Variants in UST observed in about 807,000 individuals in gnomAD.
UST encodes the protein chondroitin sulfate 2-O-sulfotransferase.
In UST, 21 loss-of-function variants were observed where a neutral mutation model predicts 45.6. The ratio of observed to expected loss-of-function variants is 0.46; its 90% CI spans 0.33 to 0.66. UST has a LOEUF of 0.66. Among genes scored for constraint, UST ranks in the 30% least tolerant of loss-of-function variants. The probability of loss-of-function intolerance (pLI) is 0.02; values close to 1 mark genes in which losing one functional copy is unlikely to be tolerated. For missense variants in UST, 463 were observed against 512.4 expected, an observed-to-expected ratio of 0.90 and a Z score of 0.93; for synonymous variants, 215 against 200.6, an observed-to-expected ratio of 1.07 and a Z score of -0.61.
rs544164842 is a variant in UST, at chr6:148,770,952, A to T, written c.247+23275A>T. Among the ~76,000 whole-genome samples, 25 of 145,390 alleles carry T rather than the reference A, an allele frequency of 1.7e-4. 1 individual carries two copies. Among genetic ancestry groups the T allele is most frequent in the East Asian group, 9.7e-4 (5 of 5,144 alleles). ...TTTCAAAGTAACTTTAATCTTGATT[A>T]AAAAAAAAAGTTTGACAAGACAAAC... On this transcript the variant is annotated intron_variant, in intron 1 of 7. Transcript: ENST00000367463.
intron 7 of UST, among the ~76,000 whole-genome samples, chr6:149,040,586 C>T (rs1317603722): frequency 3.3e-5 from 5 of 152,088 alleles, no homozygotes; most frequent in Non-Finnish European, 7.4e-5. Context: ...ACCCAGGAGG[C>T]GGAGGTTGCA....
intron 5 of UST, among the ~76,000 whole-genome samples, chr6:148,981,951 A>G (rs1490429650): frequency 6.6e-6 from 1 of 152,190 alleles, no homozygotes; most frequent in Non-Finnish European, 1.5e-5. Context: ...GGAGACTGCT[A>G]AGTCCAAGAT....
intron 1 of UST, among the ~76,000 whole-genome samples, chr6:148,862,278 T>C (rs1424964334): frequency 6.6e-6 from 1 of 152,232 alleles, no homozygotes; most frequent in African/African-American, 2.4e-5. Context: ...TTTTGATCTT[T>C]GTTGGTTTAA....
At chr6:148,886,644 G>C (rs1285854657) in intron 1 of UST, among the ~76,000 whole-genome samples, 5 of 152,184 alleles carry the variant, frequency 3.3e-5, no homozygotes, top group African/African-American at 4.8e-5. Flanking sequence ...AACAAGCCCT[G>C]CGGGTAATTC....
chr6:148,864,167 C>T (rs9390618), intron 1 of UST, among the ~76,000 whole-genome samples: 38,627 of 152,150 alleles, frequency 0.25, 5,436 homozygotes, highest in East Asian at 0.58. Context: ...TTGAGCTTCC[C>T]GGCCACTTTG....
At chr6:148,930,150 C>T (rs940117239) in intron 2 of UST, among the ~76,000 whole-genome samples, 2 of 152,170 alleles carry the variant, frequency 1.3e-5, no homozygotes, top group African/African-American at 4.8e-5. Flanking sequence ...TCACCCCTTC[C>T]GTTCTCATAC....
intron 1 of UST, among the ~76,000 whole-genome samples, chr6:148,870,679 C>T (rs936745592): frequency 6.6e-6 from 1 of 152,130 alleles, no homozygotes; most frequent in Non-Finnish European, 1.5e-5. Flanking sequence ...CTACAGGATG[C>T]ATTTACTCCG....
chr6:148,897,827 C>T (rs1296747687), intron 2 of UST, among the ~76,000 whole-genome samples: 1 of 152,164 alleles, frequency 6.6e-6, no homozygotes, highest in Admixed American at 6.5e-5. Context: ...TGCCAATTGG[C>T]AGACCAGATA....
At chr6:148,766,333 CACTCTCACCCACTCACCCACTT>C (rs776027943) in intron 1 of UST, among the ~76,000 whole-genome samples, 76 of 150,708 alleles carry the variant, frequency 5.0e-4, no homozygotes, top group African/African-American at 9.7e-4. Flanking sequence ...GTTCTCCTAT[CACTCTCACCCACTCACCCACTT>C]GCTCTCACCC....
At chr6:148,829,080 T>G (rs763117708) in intron 1 of UST, among the ~76,000 whole-genome samples, 1 of 152,122 alleles carries the variant, frequency 6.6e-6, no homozygotes, top group Non-Finnish European at 1.5e-5. Context: ...TAAGAAGAGA[T>G]GTGCTCCAGA....
At chr6:148,759,841 C>CT (rs1776176248) in intron 1 of UST, among the ~76,000 whole-genome samples, 1 of 100,186 alleles carries the variant, frequency 1.0e-5, no homozygotes, top group Non-Finnish European at 1.9e-5. Context: ...GAGCGAGACT[C>CT]TGTCTCAAAA....
At chr6:149,016,557 G>A (rs1775901733) in intron 5 of UST, among the ~76,000 whole-genome samples, 1 of 152,172 alleles carries the variant, frequency 6.6e-6, no homozygotes, top group Non-Finnish European at 1.5e-5. Context: ...CACTGGAGAT[G>A]CAGTGAACAG....
At chr6:148,769,173 G>A (rs970859756) in intron 1 of UST, among the ~76,000 whole-genome samples, 11 of 152,222 alleles carry the variant, frequency 7.2e-5, no homozygotes, top group African/African-American at 2.7e-4. Flanking sequence ...ACAACAGCCT[G>A]GCTGTCTGTT....
chr6:148,770,141 G>A lies in UST; in HGVS notation c.247+22464G>A, dbSNP rs566595779. Among the ~76,000 whole-genome samples, 3 of 152,034 alleles carry A rather than the reference G, an allele frequency of 2.0e-5. No individual in the cohort carries two copies. The East Asian group carries it at 5.8e-4, about 29-fold the overall frequency. ...ATAAAGGTTCTTGCAAGAGCTGCTA[G>A]TCTAGCCTCTGATACAGATGTGTAT... On this transcript the variant is annotated intron_variant, in intron 1 of 7. Transcript: ENST00000367463.
At chr6:148,899,138 C>T (rs933256169) in intron 2 of UST, among the ~76,000 whole-genome samples, 13 of 136,974 alleles carry the variant, frequency 9.5e-5, no homozygotes, top group Non-Finnish European at 1.5e-4. Context: ...CTCGCTCTGT[C>T]GCCCAGGCTG....
chr6:148,909,594 C>T (rs1265115971), intron 2 of UST, among the ~76,000 whole-genome samples: 2 of 152,124 alleles, frequency 1.3e-5, no homozygotes, highest in East Asian at 3.8e-4. Flanking sequence ...CCTGTAGGTC[C>T]TCAGGGATGC....
At chr6:148,861,319 T>TC (rs1778307962) in intron 1 of UST, among the ~76,000 whole-genome samples, 1 of 152,190 alleles carries the variant, frequency 6.6e-6, no homozygotes, top group African/African-American at 2.4e-5. Context: ...TGGTAGTTTG[T>TC]ATTTCTGTGG....
At chr6:148,800,428 A>G (rs1777033627) in intron 1 of UST, among the ~76,000 whole-genome samples, 1 of 152,150 alleles carries the variant, frequency 6.6e-6, no homozygotes. Flanking sequence ...CAGTCAAATA[A>G]TCTTTTTATG....
At chr6:148,820,147 T>C (rs1464777991) in intron 1 of UST, among the ~76,000 whole-genome samples, 2 of 152,178 alleles carry the variant, frequency 1.3e-5, no homozygotes, top group Admixed American at 1.3e-4. Context: ...TTTGAGGATA[T>C]CGACATACTA....
Sources: allele counts gnomAD v4.1 joint callset (sites outside exome capture counted in the v4.1 genomes callset), GRCh38; gene constraint gnomAD v4.1.1; transcripts MANE v1.5; gene names NCBI Gene and HGNC (gene_info 2026-07-23, HGNC 2026-07-21).